RYR3: variants seen among roughly 807,000 people sequenced by gnomAD.
RYR3 encodes brain ryanodine receptor-calcium release channel.
In RYR3, 207 loss-of-function variants were observed where a neutral mutation model predicts 584.3. The ratio of observed to expected loss-of-function variants is 0.35; its 90% CI spans 0.32 to 0.40. The LOEUF (loss-of-function observed/expected upper bound fraction) is 0.40, where lower values mean the gene tolerates loss of function less well. Ranked by LOEUF, RYR3 falls within the 10% of genes least tolerant of loss-of-function variation. RYR3 has a pLI of 1.00. For synonymous variants in RYR3, 2,416 were observed against 2,248.5 expected (o/e 1.07, Z -2.11); for missense variants, 5,616 against 6,089.2 (o/e 0.92, Z 2.59).
chr15:33,498,004 G>A (rs2051593977), intron 2 of RYR3, among the ~76,000 whole-genome samples: 1 of 152,058 alleles, frequency 6.6e-6, no homozygotes, highest in Non-Finnish European at 1.5e-5. Flanking sequence ...TTAACATAAT[G>A]TCCTCCAGAC....
chr15:33,652,227 C>G (rs1196615371), intron 31 of RYR3, among the ~76,000 whole-genome samples: 1 of 152,132 alleles, frequency 6.6e-6, no homozygotes, highest in Non-Finnish European at 1.5e-5. Flanking sequence ...GGAGCCCAGG[C>G]CGGCCATCCT....
rs562475836 is a variant in RYR3, at chr15:33,557,191, T to C, written c.973-5646T>C. ...TCAAACTCTGCAAGCCTCAGTGTTATCTATAAAGTAGGATAATACAAGCCA... is the reference window on the plus strand; with the variant it reads ...TCAAACTCTGCAAGCCTCAGTGTTACCTATAAAGTAGGATAATACAAGCCA... On this transcript the variant is annotated intron_variant, in intron 10 of 103. Coordinates refer to ENST00000634891, the MANE Select transcript of RYR3 (RefSeq NM_001036.6). Among the ~76,000 whole-genome samples the C allele has an allele frequency of 5.9e-5, 9 of 151,834 alleles. No homozygotes were observed. In the South Asian group the frequency reaches 1.9e-3, roughly 32 times the overall value.
At chr15:33,564,840 C>G (rs1338041606) in intron 11 of RYR3, among the ~76,000 whole-genome samples, 1 of 152,192 alleles carries the variant, frequency 6.6e-6, no homozygotes, top group Non-Finnish European at 1.5e-5. Context: ...TAAACTCTCT[C>G]CAGCTGGTGT....
chr15:33,543,840 C>T, intron 8 of RYR3, 125 bp downstream of exon 8: 1 of 728,888 alleles, frequency 1.4e-6, no homozygotes, highest in East Asian at 2.5e-5. Flanking sequence ...AAACCTTCCT[C>T]CAGCCATGGG....
In RYR3 at chr15:33,694,460, A is replaced by G. The variant is rs547040051; in HGVS notation, c.5861-1758A>G. On this transcript the variant is annotated intron_variant, in intron 38 of 103. Coordinates refer to ENST00000634891, the MANE Select transcript of RYR3 (RefSeq NM_001036.6). ...GGGGTTTCACCGTGTTAGCCAGGAT[A>G]GTCTCCTTCTCCTGACCTCGTGATC... is the stretch of plus-strand genomic sequence containing the variant. Among the ~76,000 whole-genome samples the G allele has an allele frequency of 1.2e-3, 183 of 152,082 alleles. 1 individual carries two copies. Among genetic ancestry groups the G allele is most frequent in the East Asian group, 4.1e-3 (21 of 5,160 alleles).
At chr15:33,585,894 A>C in intron 15 of RYR3, 104 bp from the exon 16 acceptor site, 1 of 675,466 alleles carries the variant, frequency 1.5e-6, no homozygotes, top group East Asian at 2.7e-5. Flanking sequence ...AATTGACGAT[A>C]TCCTGTCCCC....
intron 72 of RYR3, among the ~76,000 whole-genome samples, chr15:33,812,020 T>G (rs16958087): frequency 0.26 from 40,028 of 151,480 alleles, 5,398 homozygotes; most frequent in Middle Eastern, 0.38. Flanking sequence ...TAAAAAGAAA[T>G]CTCTAGGGCC....
intron 64 of RYR3, among the ~76,000 whole-genome samples, chr15:33,779,883 C>T (rs1338725471): frequency 3.3e-5 from 5 of 151,914 alleles, no homozygotes; most frequent in African/African-American, 9.7e-5. Flanking sequence ...TGGTGGTGGG[C>T]GCATGTAGTG....
intron 38 of RYR3, among the ~76,000 whole-genome samples, chr15:33,687,285 C>A (rs1476759652): frequency 1.3e-5 from 2 of 151,814 alleles, no homozygotes; most frequent in African/African-American, 4.8e-5. Context: ...AGACAAACAG[C>A]CAAATCATGA....
chr15:33,805,144 CTT>C (rs940556537), intron 69 of RYR3, among the ~76,000 whole-genome samples: 1 of 152,122 alleles, frequency 6.6e-6, no homozygotes, highest in African/African-American at 2.4e-5. Flanking sequence ...TGTTTTGAAA[CTT>C]TTTTTGTTTC....
rs990023106 is a variant in RYR3, at chr15:33,646,649, G to A, written c.3941+123G>A. ...ATAGGGTTCTCTCTGCTTTCAGTCA[G>A]GTAAAAAAGAAAATGAGAATGTATG... On this transcript the variant is annotated intron_variant, in intron 29 of 103. Transcript: ENST00000634891. 5 of 881,014 alleles carry A rather than the reference G, an allele frequency of 5.7e-6. No homozygotes were observed. The Admixed American group carries it at 1.1e-4, about 19-fold the overall frequency. 54.6% of individuals were successfully genotyped at this position (881,014 alleles called of 1,614,324 possible).
chr15:33,364,788 G>A (rs1054741168), intron 1 of RYR3, among the ~76,000 whole-genome samples: 3 of 152,190 alleles, frequency 2.0e-5, no homozygotes, highest in African/African-American at 7.2e-5. Flanking sequence ...AAGATGACAA[G>A]GCAGAAGAAC....
intron 1 of RYR3, among the ~76,000 whole-genome samples, chr15:33,424,820 C>G (rs1330225001): frequency 2.0e-5 from 3 of 152,032 alleles, no homozygotes; most frequent in Admixed American, 2.0e-4. Flanking sequence ...TATCAAGATG[C>G]AAAGATGAGA....
intron 43 of RYR3, among the ~76,000 whole-genome samples, chr15:33,710,469 G>A (rs8042177): frequency 0.11 from 16,075 of 151,162 alleles, 2,101 homozygotes; most frequent in African/African-American, 0.31. Flanking sequence ...TCAGCCTTCC[G>A]AGCAGCTGGG....
chr15:33,789,682 TTTTTTTTTTTG>T (rs2075019745), intron 67 of RYR3, among the ~76,000 whole-genome samples: 1 of 59,790 alleles, frequency 1.7e-5, no homozygotes, highest in Non-Finnish European at 3.4e-5. Context: ...TTTTTTTTTT[TTTTTTTTTTTG>T]AGACGGAGTC....
chr15:33,532,132 C>G (rs2054932499), intron 4 of RYR3, among the ~76,000 whole-genome samples: 1 of 152,114 alleles, frequency 6.6e-6, no homozygotes, highest in Non-Finnish European at 1.5e-5. Flanking sequence ...CCATCTTCCT[C>G]TCGCAGAGAA....
At position 33,624,016 on chromosome 15, in the gene RYR3, C is replaced by A. The variant is rs1189945732; in HGVS notation, c.2567C>A (p.Thr856Asn). The change falls in exon 20 of 104, where the codon ACC becomes AAC. Residue 856 changes from threonine to asparagine, a missense_variant. Thr to Asn is a moderately conservative substitution (Grantham distance 65). Around this residue, in one of 9 missense-constraint regions of RYR3, gnomAD observed 1,284 missense variants for 1,344.6 expected, o/e 0.95. Coordinates refer to ENST00000634891, the MANE Select transcript of RYR3 (RefSeq NM_001036.6). ...TCTTTCATCCCATGCCCCGTAGACA[C>A]CAGTCAGGTAGGTTCAAATTGCCCG... is the stretch of plus-strand genomic sequence containing the variant. ...QASFIPCPVD[T>N]SQVILPPHLE... The A allele has an allele frequency of 6.2e-7, 1 of 1,613,160 alleles. No homozygotes were observed. Among genetic ancestry groups the A allele is most frequent in the Non-Finnish European group, 8.5e-7 (1 of 1,179,254 alleles).
intron 38 of RYR3, among the ~76,000 whole-genome samples, chr15:33,686,855 C>T (rs1042320254): frequency 9.3e-4 from 142 of 152,130 alleles, no homozygotes; most frequent in Non-Finnish European, 7.1e-4. Flanking sequence ...GAAAAGCCTT[C>T]GACAAAATTC....
chr15:33,572,029 T>G (rs1043360910), intron 12 of RYR3, among the ~76,000 whole-genome samples: 1 of 152,176 alleles, frequency 6.6e-6, no homozygotes, highest in African/African-American at 2.4e-5. Context: ...ATAATCCACT[T>G]CAAATTAATA....
Sources: gnomAD v4.1 joint callset for allele counts (sites outside exome capture counted in the v4.1 genomes callset) on GRCh38, gnomAD v4.1.1 for gene constraint, gnomAD v4.1.1 regional missense constraint, MANE v1.5 for transcripts, NCBI Gene and HGNC (gene_info 2026-07-23, HGNC 2026-07-21) for gene names.